MKRN2: variants seen among roughly 807,000 people sequenced by gnomAD.
MKRN2 encodes E3 ubiquitin-protein ligase makorin-2.
A neutral mutation model predicts 45.4 loss-of-function variants in MKRN2; 32 were observed. The ratio of observed to expected loss-of-function variants is 0.70; its 90% CI spans 0.53 to 0.95. MKRN2 has a LOEUF of 0.95. Ranked by LOEUF, MKRN2 falls within the 40% of genes least tolerant of loss-of-function variation. The pLI is 0.00. For missense variants in MKRN2, 526 were observed against 536.7 expected, an observed-to-expected ratio of 0.98 and a Z score of 0.20; for synonymous variants, 206 against 192.4, an observed-to-expected ratio of 1.07 and a Z score of -0.59.
At chr3:12,574,367 A>G (rs2058118067) in intron 4 of MKRN2, among the ~76,000 whole-genome samples, 1 of 152,218 alleles carries the variant, frequency 6.6e-6, no homozygotes, top group African/African-American at 2.4e-5. Context: ...CTTACATAGG[A>G]CTAGGCTGCC....
intron 6 of MKRN2, among the ~76,000 whole-genome samples, chr3:12,581,456 GA>G (rs550325269): frequency 6.4e-4 from 97 of 152,292 alleles, no homozygotes; most frequent in African/African-American, 2.3e-3. Flanking sequence ...TTAGTGCCCA[GA>G]GGAGTGACCA....
intron 1 of MKRN2, among the ~76,000 whole-genome samples, chr3:12,565,277 T>C (rs1473039335): frequency 6.6e-6 from 1 of 152,200 alleles, no homozygotes; most frequent in East Asian, 1.9e-4. Context: ...GTACAGCCTC[T>C]TTTGTATTTA....
Position 12,576,189 on chromosome 3 carries a change from A to ATGTGTG in MKRN2, c.858-406_858-401dup, listed in dbSNP as rs59197804. On this transcript the variant is annotated intron_variant, in intron 5 of 7. Transcript: ENST00000170447. ...GTCTTTTTTGTTGAGGAAACCATAT[A>ATGTGTG]TGTGTGTGTGTGTGTGTGTGTGTGT... Among the ~76,000 whole-genome samples, 959 of 143,276 alleles carry ATGTGTG rather than the reference A, an allele frequency of 6.7e-3. 7 individuals carry two copies. The highest frequency in any genetic ancestry group is 0.042 in the East Asian group (197 of 4,738). 94.0% of individuals were successfully genotyped at this position (143,276 alleles called of 152,430 possible).
At chr3:12,559,530 G>C (rs1385782284) in intron 1 of MKRN2, among the ~76,000 whole-genome samples, 3 of 152,114 alleles carry the variant, frequency 2.0e-5, no homozygotes, top group Non-Finnish European at 2.9e-5. Context: ...AATGACAGCA[G>C]AATAATGTCA....
At chr3:12,569,396 G>A (rs1399641470) in intron 2 of MKRN2, among the ~76,000 whole-genome samples, 1 of 151,176 alleles carries the variant, frequency 6.6e-6, no homozygotes, top group Non-Finnish European at 1.5e-5. Flanking sequence ...TCCTGACCTC[G>A]TGATCCTCCC....
intron 6 of MKRN2, among the ~76,000 whole-genome samples, chr3:12,578,497 A>G (rs1399985091): frequency 2.6e-5 from 4 of 151,816 alleles, no homozygotes; most frequent in Non-Finnish European, 5.9e-5. Flanking sequence ...TTTGTATTTT[A>G]GTAGAGACAG....
At position 12,570,142 on chromosome 3, in the gene MKRN2, C is replaced by G; in HGVS notation, c.227C>G (p.Pro76Arg). Residue 76 changes from proline (P) to arginine (R), a missense_variant, in exon 3 of 8, where the codon CCA becomes CGA. Pro to Arg is a moderately radical substitution (Grantham distance 103). Coordinates refer to ENST00000170447, the MANE Select transcript of MKRN2 (RefSeq NM_014160.5). ...VGTMAHSVPS[P>R]AFHSPHPPSE... Reference sequence around the variant, plus strand: ...ACCATGGCCCACAGTGTGCCCTCCCCAGCTTTCCACAGTCCTCACCCTCCT... The same window carrying G: ...ACCATGGCCCACAGTGTGCCCTCCCGAGCTTTCCACAGTCCTCACCCTCCT... The G allele has an allele frequency of 3.7e-6, 6 of 1,614,098 alleles. No homozygotes were observed. Among genetic ancestry groups the G allele is most frequent in the Non-Finnish European group, 5.1e-6 (6 of 1,180,046 alleles).
chr3:12,574,410 A>G (rs530982139), intron 4 of MKRN2, among the ~76,000 whole-genome samples: 15 of 152,366 alleles, frequency 9.8e-5, no homozygotes, highest in African/African-American at 3.4e-4. Flanking sequence ...ACGAGTCAGC[A>G]TCTCTGATGT....
intron 1 of MKRN2, among the ~76,000 whole-genome samples, chr3:12,558,111 T>C (rs117342432): frequency 1.9e-3 from 294 of 152,350 alleles, no homozygotes; most frequent in Non-Finnish European, 2.2e-3. Flanking sequence ...AAAACAGTTA[T>C]AGAGTTTGTG....
intron 2 of MKRN2, among the ~76,000 whole-genome samples, 191 bp from the exon 3 acceptor site, chr3:12,569,880 G>A (rs773880789): frequency 6.6e-6 from 1 of 152,164 alleles, no homozygotes; most frequent in Non-Finnish European, 1.5e-5. Flanking sequence ...GATAGCAAAT[G>A]TCCCCCTCAC....
Position 12,582,398 on chromosome 3 carries a change from C to T in MKRN2, c.*145C>T, listed in dbSNP as rs1053259279. The T allele has an allele frequency of 1.0e-6, 1 of 976,302 alleles. No individual in the cohort carries two copies. Among genetic ancestry groups the T allele is most frequent in the Admixed American group, 2.4e-5 (1 of 41,856 alleles). The allele number at this position is 976,302 out of a possible 1,614,324, so 60.5% of individuals were successfully genotyped here. A position where few individuals can be genotyped will look rare whatever the true frequency, so the allele number is the denominator to read the frequency against. On this transcript the variant is annotated 3_prime_UTR_variant, in exon 8 of 8. Coordinates refer to ENST00000170447, the MANE Select transcript of MKRN2 (RefSeq NM_014160.5). ...GGGCTTAGCCTTAGTCTCATTCAATCTCCATTATTACAGCCATGGGGAAGA... is the reference window on the plus strand; with the variant it reads ...GGGCTTAGCCTTAGTCTCATTCAATTTCCATTATTACAGCCATGGGGAAGA...
chr3:12,571,432 G>A (rs1026680156), intron 3 of MKRN2, among the ~76,000 whole-genome samples: 4 of 152,172 alleles, frequency 2.6e-5, no homozygotes, highest in African/African-American at 9.7e-5. Flanking sequence ...TTATTGGCTG[G>A]TCCTCACCAG....
At chr3:12,570,675 G>A (rs1176719088) in intron 3 of MKRN2, among the ~76,000 whole-genome samples, 7 of 151,762 alleles carry the variant, frequency 4.6e-5, no homozygotes, top group Admixed American at 3.9e-4. Context: ...TCAGGAGTTC[G>A]AGACCAGCCT....
Position 12,574,920 on chromosome 3 carries a change from G to C in MKRN2, c.771G>C (p.Gly257=). The change falls in exon 5 of 8, where the codon GGG becomes GGC. Residue 257 remains glycine, a synonymous_variant. Coordinates refer to ENST00000170447, the MANE Select transcript of MKRN2 (RefSeq NM_014160.5). The part of the protein sequence containing the change: ...EKASASERRF[G]ILSNCNHTYC... ...CCTCTGCTTCTGAGAGGAGATTTGG[G>C]ATTCTCTCCAATTGCAATCACACGT... The C allele has an allele frequency of 6.2e-7, 1 of 1,614,228 alleles. No individual in the cohort carries two copies. The highest frequency in any genetic ancestry group is 8.5e-7 in the Non-Finnish European group (1 of 1,180,042).
At chr3:12,572,029 G>T (rs765617723) in intron 3 of MKRN2, 40 bp from the exon 4 acceptor site, 6 of 1,521,980 alleles carry the variant, frequency 3.9e-6, no homozygotes, top group Non-Finnish European at 4.4e-6. Flanking sequence ...AGAAAAATGG[G>T]GCCATTTTCA....
At position 12,557,109 on chromosome 3, in the gene MKRN2, C is replaced by T. The variant is rs774419189; in HGVS notation, c.-42C>T. 6 of 1,484,788 alleles carry T rather than the reference C, an allele frequency of 4.0e-6. No individual in the cohort carries two copies. In the South Asian group the frequency reaches 6.3e-5, roughly 16 times the overall value. The allele number at this position is 1,484,788 out of a possible 1,614,324, so 92.0% of individuals were successfully genotyped here. A position where few individuals can be genotyped will look rare whatever the true frequency, so the allele number is the denominator to read the frequency against. ...GCCAAGGCCGAGGCGGCAGCGGCTG[C>T]GAGAGGCGGCGGCACGACGACGGTC... On this transcript the variant is annotated 5_prime_UTR_variant, in exon 1 of 8. Coordinates refer to ENST00000170447, the MANE Select transcript of MKRN2 (RefSeq NM_014160.5).
intron 5 of MKRN2, among the ~76,000 whole-genome samples, chr3:12,575,754 C>G (rs1232244606): frequency 1.3e-5 from 2 of 152,224 alleles, no homozygotes; most frequent in African/African-American, 4.8e-5. Context: ...CTGGACACTT[C>G]TTATAAATGG....
At chr3:12,572,427 A>G in intron 4 of MKRN2, 54 bp downstream of exon 4, 2 of 1,482,770 alleles carry the variant, frequency 1.3e-6, no homozygotes. Context: ...AAATGTACTG[A>G]ACAGGACACG....
rs981030654 is a variant in MKRN2 at position 12,582,064 on chromosome 3, C to CGGAA, written c.1114-52_1114-51insGGAA. On this transcript the variant is annotated intron_variant, in intron 7 of 7. Coordinates refer to ENST00000170447, the MANE Select transcript of MKRN2 (RefSeq NM_014160.5). ...CAAAAGAACGATCAAGGAACGCAGC[C>CGGAA]TTCCTGTTGCTCTTAGCAGTAACCA... The CGGAA allele has an allele frequency of 2.2e-5, 35 of 1,611,422 alleles. No individual in the cohort carries two copies. In the Admixed American group the frequency reaches 5.7e-4, roughly 26 times the overall value.
Sources: allele counts gnomAD v4.1 joint callset (sites outside exome capture counted in the v4.1 genomes callset), GRCh38; gene constraint gnomAD v4.1.1; transcripts MANE v1.5; gene names NCBI Gene and HGNC (gene_info 2026-07-23, HGNC 2026-07-21).